ZBTB7C: variants seen among roughly 807,000 people sequenced by gnomAD.
ZBTB7C encodes the protein zinc finger and BTB domain containing 7C, also known as zinc finger and BTB domain-containing protein 7C.
In ZBTB7C, 8 loss-of-function variants were observed where a neutral mutation model predicts 25.7. The observed-to-expected ratio is 0.31, with a 90% CI of 0.18 to 0.56. The LOEUF (loss-of-function observed/expected upper bound fraction) is 0.56. ZBTB7C is among the 20% of genes least tolerant of loss of function. The pLI, the probability that ZBTB7C is intolerant of heterozygous loss-of-function variation, is 0.91. For missense variants in ZBTB7C, 824 were observed against 855.2 expected (o/e 0.96, Z 0.46); for synonymous variants, 394 against 369.0 (o/e 1.07, Z -0.78).
At chr18:48,184,937 C>T (rs986088978) in intron 3 of ZBTB7C, among the ~76,000 whole-genome samples, 6 of 152,128 alleles carry the variant, frequency 3.9e-5, no homozygotes, top group African/African-American at 1.2e-4. Context: ...ATCTCAAATA[C>T]AACCTCAAGT....
intron 3 of ZBTB7C, among the ~76,000 whole-genome samples, chr18:48,067,214 C>T (rs530106017): frequency 1.3e-5 from 2 of 152,316 alleles, no homozygotes; most frequent in South Asian, 2.1e-4. Flanking sequence ...TCATAGCCTT[C>T]CTCTGTAAGT....
At chr18:48,401,174 C>A (rs900091023) in intron 1 of ZBTB7C, among the ~76,000 whole-genome samples, 2 of 152,176 alleles carry the variant, frequency 1.3e-5, no homozygotes, top group Non-Finnish European at 2.9e-5. Context: ...GGATTTTATT[C>A]CCTGAGATAG....
intron 1 of ZBTB7C, among the ~76,000 whole-genome samples, chr18:48,369,693 T>A (rs2047341076): frequency 6.6e-6 from 1 of 152,194 alleles, no homozygotes; most frequent in African/African-American, 2.4e-5. Flanking sequence ...TCCACCAGAA[T>A]ATATAGCAAT....
chr18:48,203,139 A>G (rs2042495993), intron 2 of ZBTB7C, among the ~76,000 whole-genome samples: 1 of 152,054 alleles, frequency 6.6e-6, no homozygotes, highest in Non-Finnish European at 1.5e-5. Flanking sequence ...CTGCCATGAG[A>G]GTCTTCCCCC....
rs946011687 is a variant in ZBTB7C, at chr18:48,027,422, G to C, written c.*1838C>G. On this transcript the variant is annotated 3_prime_UTR_variant, in exon 5 of 5. Transcript: ENST00000590800. ...TCAGCCCCAATCACTTGGCTGATGG[G>C]GGGGAACACGGGGGCACGTTGGCTG... 15 of 151,958 alleles carry C rather than the reference G, an allele frequency of 9.9e-5. No homozygotes were observed. Among genetic ancestry groups the C allele is most frequent in the African/African-American group, 1.7e-4 (7 of 41,366 alleles). The allele number at this position is 151,958 out of a possible 1,614,324, so 9.4% of individuals were successfully genotyped here.
chr18:48,328,113 T>C (rs532138572), intron 2 of ZBTB7C, among the ~76,000 whole-genome samples: 54 of 135,074 alleles, frequency 4.0e-4, no homozygotes, highest in Non-Finnish European at 7.0e-4. Context: ...ACCCGGGAGG[T>C]GGAGCTTGCA....
intron 3 of ZBTB7C, chr18:48,165,249 C>G (rs1251316799): frequency 3.5e-6 from 2 of 575,958 alleles, no homozygotes; most frequent in Non-Finnish European, 5.9e-6. Flanking sequence ...CAGCTTAGAG[C>G]AGCTCTGTCT....
In ZBTB7C at chr18:48,367,202, T is replaced by TATATATATATACACAC. The variant is rs1302394192; in HGVS notation, c.-303-28805_-303-28804insGTGTGTATATATATAT. On this transcript the variant is annotated intron_variant, in intron 1 of 4. Transcript: ENST00000590800. ...ATATATATATATATATATATATATA[T>TATATATATATACACAC]ACACACACACACACACACACACACA... 1.9e-4 allele frequency among the ~76,000 whole-genome samples: 12 copies of TATATATATATACACAC among 63,390 alleles called. No individual in the cohort carries two copies. In the South Asian group the frequency reaches 3.3e-3, roughly 17 times the overall value. The allele number at this position is 63,390 out of a possible 152,430, so 41.6% of individuals were successfully genotyped here.
chr18:48,383,949 C>T (rs983106349), intron 1 of ZBTB7C, among the ~76,000 whole-genome samples: 5 of 152,080 alleles, frequency 3.3e-5, no homozygotes, highest in African/African-American at 9.7e-5. Context: ...ATCCTGGGGA[C>T]GAAATAACTT....
At chr18:48,361,788 CT>C (rs2047112382) in intron 1 of ZBTB7C, among the ~76,000 whole-genome samples, 1 of 152,216 alleles carries the variant, frequency 6.6e-6, no homozygotes, top group Non-Finnish European at 1.5e-5. Flanking sequence ...TCAGAGAGGA[CT>C]CAGAAGCCCG....
intron 3 of ZBTB7C, among the ~76,000 whole-genome samples, chr18:48,091,786 C>T (rs1328582779): frequency 6.6e-6 from 1 of 152,182 alleles, no homozygotes; most frequent in African/African-American, 2.4e-5. Flanking sequence ...CCATCTCACC[C>T]ACTGTGGGTC....
At chr18:48,340,566 G>A (rs1316599923) in intron 1 of ZBTB7C, among the ~76,000 whole-genome samples, 1 of 152,188 alleles carries the variant, frequency 6.6e-6, no homozygotes, top group Non-Finnish European at 1.5e-5. Flanking sequence ...TAAGAAGCCG[G>A]TCACCATCCC....
intron 3 of ZBTB7C, among the ~76,000 whole-genome samples, chr18:48,067,144 T>C (rs1470968720): frequency 1.3e-5 from 2 of 151,882 alleles, no homozygotes; most frequent in African/African-American, 4.8e-5. Flanking sequence ...GCTCTATAGC[T>C]CTATAGCTCT....
intron 2 of ZBTB7C, among the ~76,000 whole-genome samples, chr18:48,306,111 G>A (rs1485760911): frequency 6.6e-6 from 1 of 152,202 alleles, no homozygotes; most frequent in Non-Finnish European, 1.5e-5. Context: ...CACTCCCTAT[G>A]CAGGCAACAT....
rs2040466751 is a variant in ZBTB7C at position 48,145,338 on chromosome 18, GCTC to G, written c.-17+40593_-17+40595del. ...TCTTACCACCTTCATCTTCCCTTCA[GCTC>G]CCTGGACCCTTCAGCATGTCTCCTT... On this transcript the variant is annotated intron_variant, in intron 3 of 4. Coordinates refer to ENST00000590800, the MANE Select transcript of ZBTB7C (RefSeq NM_001318841.2). 5.3e-5 allele frequency among the ~76,000 whole-genome samples: 8 copies of G among 151,992 alleles called. 1 individual carries two copies. In the South Asian group the frequency reaches 1.7e-3, roughly 32 times the overall value.
intron 3 of ZBTB7C, among the ~76,000 whole-genome samples, chr18:48,147,122 G>C (rs1366091659): frequency 6.6e-6 from 1 of 152,150 alleles, no homozygotes; most frequent in Non-Finnish European, 1.5e-5. Context: ...TTGTCACCCA[G>C]GCTGGAGTGC....
chr18:48,388,052 C>A (rs1258926692), intron 1 of ZBTB7C, among the ~76,000 whole-genome samples: 2 of 152,140 alleles, frequency 1.3e-5, no homozygotes, highest in Non-Finnish European at 2.9e-5. Context: ...GTCTCGAACT[C>A]CTGACCTCAA....
At chr18:48,061,743 G>C (rs2037134726) in intron 3 of ZBTB7C, among the ~76,000 whole-genome samples, 1 of 152,240 alleles carries the variant, frequency 6.6e-6, no homozygotes, top group Admixed American at 6.5e-5. Flanking sequence ...GGACGGGAAT[G>C]TAAGTTCCTT....
At chr18:48,137,003 C>T (rs923916241) in intron 3 of ZBTB7C, 5 of 985,190 alleles carry the variant, frequency 5.1e-6, no homozygotes, top group Non-Finnish European at 6.0e-6. Context: ...CGCCGCAGAC[C>T]CACCTGGCCG....
Sources: gnomAD v4.1 joint callset for allele counts (sites outside exome capture counted in the v4.1 genomes callset) on GRCh38, gnomAD v4.1.1 for gene constraint, MANE v1.5 for transcripts, NCBI Gene and HGNC (gene_info 2026-07-23, HGNC 2026-07-21) for gene names.